The following TRPM8 variants were observed in gnomAD, a reference collection of about 807,000 sequenced individuals.
TRPM8 encodes the protein TRPM8 cationic channel.
In TRPM8, 110 loss-of-function variants were observed where a neutral mutation model predicts 133.7. The observed-to-expected ratio is 0.82, with a 90% CI of 0.70 to 0.96. The LOEUF is 0.96. Among genes scored for constraint, TRPM8 ranks in the 40% least tolerant of loss-of-function variants. The pLI, the probability that TRPM8 is intolerant of heterozygous loss-of-function variation, is 0.00. For synonymous variants in TRPM8, 535 were observed against 532.3 expected, an observed-to-expected ratio of 1.01 and a Z score of -0.07; for missense variants, 1,291 against 1,379.5, an observed-to-expected ratio of 0.94 and a Z score of 1.02.
intron 6 of TRPM8, among the ~76,000 whole-genome samples, chr2:233,944,838 A>G (rs1691003338): frequency 6.6e-6 from 1 of 152,228 alleles, no homozygotes; most frequent in Admixed American, 6.5e-5. Flanking sequence ...ACTAGGTTCT[A>G]TTCTAAGTGT....
At chr2:233,965,175 C>A (rs554602331) in intron 14 of TRPM8, among the ~76,000 whole-genome samples, 2 of 152,266 alleles carry the variant, frequency 1.3e-5, no homozygotes, top group African/African-American at 4.8e-5. Context: ...GAGGACCCAG[C>A]CCCTGGGCCT....
chr2:233,984,325 G>T (rs552990042), intron 20 of TRPM8, among the ~76,000 whole-genome samples: 1 of 152,226 alleles, frequency 6.6e-6, no homozygotes, highest in Non-Finnish European at 1.5e-5. Flanking sequence ...CCAGACGTTT[G>T]TACCCACTGC....
At chr2:233,948,019 C>T (rs1416769893) in intron 8 of TRPM8, among the ~76,000 whole-genome samples, 2 of 152,146 alleles carry the variant, frequency 1.3e-5, no homozygotes, top group Admixed American at 6.5e-5. Context: ...TAGCACATTA[C>T]AAGAAAGTCA....
At chr2:234,015,590 T>G (rs11562973) in intron 25 of TRPM8, among the ~76,000 whole-genome samples, 6,290 of 152,250 alleles carry the variant, frequency 0.041, 170 homozygotes, top group South Asian at 0.074. Flanking sequence ...GGGGAAATCA[T>G]GTTGCATTAG....
At chr2:234,013,187 G>A (rs1057024580) in intron 24 of TRPM8, 5 of 152,148 alleles carry the variant, frequency 3.3e-5, no homozygotes, top group Non-Finnish European at 7.4e-5. Context: ...AGAGTCTAAG[G>A]TTTGGCATTT....
At chr2:233,985,612 T>G (rs1692125153) in intron 20 of TRPM8, 76 bp from the exon 21 acceptor site, 1 of 1,402,272 alleles carries the variant, frequency 7.1e-7, no homozygotes, top group Admixed American at 1.7e-5. Flanking sequence ...TGACATGTTC[T>G]TGTGGCCCTG....
chr2:233,922,741 T>C (rs1374856029), intron 1 of TRPM8, among the ~76,000 whole-genome samples: 1 of 152,212 alleles, frequency 6.6e-6, no homozygotes, highest in Non-Finnish European at 1.5e-5. Context: ...CTTTTCCCTC[T>C]TAAAAAAATG....
chr2:233,929,517 G>A (rs1230982108), intron 2 of TRPM8, among the ~76,000 whole-genome samples: 1 of 152,228 alleles, frequency 6.6e-6, no homozygotes, highest in African/African-American at 2.4e-5. Flanking sequence ...GTCTTATGAG[G>A]CCAACTGTGT....
At chr2:234,006,612 A>C (rs1692699126) in intron 22 of TRPM8, among the ~76,000 whole-genome samples, 1 of 152,248 alleles carries the variant, frequency 6.6e-6, no homozygotes, top group Non-Finnish European at 1.5e-5. Context: ...TCGATTATTT[A>C]GAATAAAGAT....
intron 15 of TRPM8, among the ~76,000 whole-genome samples, 189 bp downstream of exon 15, chr2:233,966,944 A>C (rs1691592291): frequency 6.6e-6 from 1 of 152,216 alleles, no homozygotes; most frequent in Non-Finnish European, 1.5e-5. Flanking sequence ...GCTTTAAGAG[A>C]TGGTGCAGGA....
rs111363042 is a variant in TRPM8, at chr2:233,920,898, C to T, written c.-6+3466C>T. ...TGAGATGGAGTTTAGTTCTTGTTGCCCAGGCTGGAGTGCAATGGTGTGATC... is the reference window on the plus strand; with the variant it reads ...TGAGATGGAGTTTAGTTCTTGTTGCTCAGGCTGGAGTGCAATGGTGTGATC... On this transcript the variant is annotated intron_variant, in intron 1 of 25. Transcript: ENST00000324695. 2.4e-3 allele frequency among the ~76,000 whole-genome samples: 356 copies of T among 148,838 alleles called. 3 individuals are homozygous for T. Among genetic ancestry groups the T allele is most frequent in the African/African-American group, 8.1e-3 (318 of 39,440 alleles).
intron 2 of TRPM8, among the ~76,000 whole-genome samples, chr2:233,928,935 T>C (rs1251438518): frequency 6.6e-6 from 1 of 152,142 alleles, no homozygotes; most frequent in Non-Finnish European, 1.5e-5. Context: ...CATTGTTTAG[T>C]TTTGTTCTGT....
At chr2:233,954,854 T>C (rs1052331106) in intron 10 of TRPM8, among the ~76,000 whole-genome samples, 1 of 152,214 alleles carries the variant, frequency 6.6e-6, no homozygotes, top group Admixed American at 6.5e-5. Flanking sequence ...TCTGAATCTA[T>C]GGAAAAAACC....
intron 18 of TRPM8, among the ~76,000 whole-genome samples, chr2:233,980,637 G>A (rs1638655210): frequency 6.6e-6 from 1 of 152,152 alleles, no homozygotes; most frequent in Non-Finnish European, 1.5e-5. Flanking sequence ...CAAAGTGTTG[G>A]GATCACAGAC....
Position 233,947,070 on chromosome 2 carries a change from A to G in TRPM8, c.875-18A>G. The G allele has an allele frequency of 1.2e-6, 2 of 1,611,934 alleles. No individual in the cohort carries two copies. The highest frequency in any genetic ancestry group is 1.7e-6 in the Non-Finnish European group (2 of 1,178,210). On this transcript the variant is annotated intron_variant, in intron 7 of 25. Transcript: ENST00000324695. Reference sequence around the variant, plus strand: ...TTCTAATGAGCTCAAAATATGCTTTACTTTTTATATTTTACAGATTCCAAC... The same window carrying G: ...TTCTAATGAGCTCAAAATATGCTTTGCTTTTTATATTTTACAGATTCCAAC...
In TRPM8 at chr2:233,972,615, C is replaced by T. The variant is rs1044189580; in HGVS notation, c.2355+2189C>T. 4.6e-5 allele frequency among the ~76,000 whole-genome samples: 7 copies of T among 152,346 alleles called. No individual in the cohort carries two copies. The East Asian group carries it at 5.8e-4, about 13-fold the overall frequency. On this transcript the variant is annotated intron_variant, in intron 17 of 25. Transcript: ENST00000324695. ...GCTGCAGGTCCCGAGCCCTGCCCCA[C>T]GGGAAGGCAGCTACGGCCCGGTGAG...
intron 5 of TRPM8, among the ~76,000 whole-genome samples, chr2:233,940,314 C>T (rs867547600): frequency 1.6e-4 from 24 of 148,622 alleles, no homozygotes; most frequent in Middle Eastern, 3.4e-3. Flanking sequence ...CAAGAAGAAA[C>T]TGAGATGTTT....
In TRPM8 at chr2:233,942,916, C is replaced by T. The variant is rs187077992; in HGVS notation, c.699+168C>T. On this transcript the variant is annotated intron_variant, in intron 6 of 25. Coordinates refer to ENST00000324695, the MANE Select transcript of TRPM8 (RefSeq NM_024080.5). ...TTAAAGGAATTGAAAACAAGGATGA[C>T]GTACCTAATTAACTGCTGGGAAAGA... 3,360 of 692,420 alleles carry T rather than the reference C, an allele frequency of 4.9e-3. 22 individuals are homozygous for T. The highest frequency in any genetic ancestry group is 0.015 in the Middle Eastern group (38 of 2,506). The allele number at this position is 692,420 out of a possible 1,614,324, so 42.9% of individuals were successfully genotyped here.
intron 22 of TRPM8, among the ~76,000 whole-genome samples, chr2:234,003,935 C>G (rs2125384810): frequency 6.6e-6 from 1 of 152,234 alleles, no homozygotes; most frequent in African/African-American, 2.4e-5. Context: ...CAAATCAGTA[C>G]TCCAGATTAG....
Sources: allele counts gnomAD v4.1 joint callset (sites outside exome capture counted in the v4.1 genomes callset), GRCh38; gene constraint gnomAD v4.1.1; transcripts MANE v1.5; gene names NCBI Gene and HGNC (gene_info 2026-07-23, HGNC 2026-07-21).